The following LUZP2 variants were observed in gnomAD, a reference collection of about 807,000 sequenced individuals.
The protein encoded by LUZP2 is leucine zipper protein 2.
LUZP2 carries 52 observed loss-of-function variants against 51.6 expected under a neutral mutation model. The ratio of observed to expected loss-of-function variants is 1.01; its 90% CI spans 0.81 to 1.27. The LOEUF (loss-of-function observed/expected upper bound fraction) is 1.27. Among genes scored for constraint, LUZP2 ranks in the 50% most tolerant of loss-of-function variants. LUZP2 has a pLI of 0.00. For synonymous variants in LUZP2, 154 were observed against 137.3 expected (o/e 1.12, Z -0.85); for missense variants, 436 against 395.4 (o/e 1.10, Z -0.87).
chr11:24,846,050 G>A (rs566100812), intron 5 of LUZP2, among the ~76,000 whole-genome samples: 2 of 151,688 alleles, frequency 1.3e-5, no homozygotes, highest in South Asian at 4.2e-4. Flanking sequence ...TTCAACGCAG[G>A]CAAGGATCCC....
chr11:25,056,918 G>A (rs891120057), intron 10 of LUZP2, among the ~76,000 whole-genome samples: 2 of 152,038 alleles, frequency 1.3e-5, no homozygotes, highest in Non-Finnish European at 2.9e-5. Flanking sequence ...GGCTAACATG[G>A]TGAAACCCCA....
intron 5 of LUZP2, chr11:24,786,114 C>T: frequency 1.0e-6 from 1 of 985,182 alleles, no homozygotes; most frequent in Non-Finnish European, 1.2e-6. Flanking sequence ...TTAATTTAGG[C>T]CCTCACAAAT....
At chr11:24,694,596 A>G (rs1407177237) in intron 1 of LUZP2, among the ~76,000 whole-genome samples, 1 of 152,140 alleles carries the variant, frequency 6.6e-6, no homozygotes, top group Non-Finnish European at 1.5e-5. Flanking sequence ...ATTAGAAATC[A>G]TTCTGCTATA....
intron 2 of LUZP2, 70 bp downstream of exon 2, chr11:24,729,356 T>G: frequency 2.6e-6 from 2 of 770,494 alleles, no homozygotes; most frequent in Non-Finnish European, 4.1e-6. Flanking sequence ...TGGATTGACA[T>G]GCATTTTTAA....
chr11:25,057,667 C>T (rs1858727379), intron 10 of LUZP2, among the ~76,000 whole-genome samples: 1 of 152,058 alleles, frequency 6.6e-6, no homozygotes, highest in Non-Finnish European at 1.5e-5. Flanking sequence ...TGCAATGTTT[C>T]TGACTCCTAT....
At chr11:24,756,217 A>G (rs1859768765) in intron 4 of LUZP2, among the ~76,000 whole-genome samples, 2 of 152,176 alleles carry the variant, frequency 1.3e-5, no homozygotes, top group South Asian at 4.1e-4. Flanking sequence ...TGTGTACCTC[A>G]CATGTATTGA....
chr11:25,005,103 G>T (rs1856797501), intron 9 of LUZP2, among the ~76,000 whole-genome samples: 1 of 152,126 alleles, frequency 6.6e-6, no homozygotes, highest in African/African-American at 2.4e-5. Context: ...ATGTACCCAG[G>T]TTGGACCAAA....
At chr11:25,046,308 A>G (rs1247200311) in intron 9 of LUZP2, among the ~76,000 whole-genome samples, 1 of 151,958 alleles carries the variant, frequency 6.6e-6, no homozygotes, top group Non-Finnish European at 1.5e-5. Context: ...GAGCTCTTTG[A>G]GATACAGATC....
At chr11:24,849,842 A>C (rs542159136) in intron 5 of LUZP2, among the ~76,000 whole-genome samples, 1 of 152,254 alleles carries the variant, frequency 6.6e-6, no homozygotes, top group East Asian at 1.9e-4. Flanking sequence ...ATGGTATCTC[A>C]TTGTGGTTTT....
chr11:24,526,064 C>T (rs113946467), intron 1 of LUZP2, among the ~76,000 whole-genome samples: 49 of 151,310 alleles, frequency 3.2e-4, no homozygotes, highest in African/African-American at 1.2e-3. Flanking sequence ...TTAAAATTTG[C>T]TTTCTTTGTT....
chr11:24,589,107 A>C (rs1048271698), intron 1 of LUZP2, among the ~76,000 whole-genome samples: 2 of 152,066 alleles, frequency 1.3e-5, no homozygotes, highest in African/African-American at 4.8e-5. Context: ...AGAGCTCACA[A>C]TGTCCTGGCT....
intron 9 of LUZP2, among the ~76,000 whole-genome samples, chr11:24,985,863 G>A (rs1856174239): frequency 6.6e-6 from 1 of 151,794 alleles, no homozygotes; most frequent in East Asian, 1.9e-4. Context: ...TCATCACAAT[G>A]AATAGGGTTA....
At chr11:24,599,003 ACCTTTTTCTAAGTCAGT>A (rs1853536261) in intron 1 of LUZP2, among the ~76,000 whole-genome samples, 1 of 152,148 alleles carries the variant, frequency 6.6e-6, no homozygotes, top group African/African-American at 2.4e-5. Context: ...ACATGTGGGA[ACCTTTTTCTAAGTCAGT>A]AATGTAGGTA....
At chr11:24,929,895 A>G (rs1854394318) in intron 7 of LUZP2, among the ~76,000 whole-genome samples, 1 of 152,114 alleles carries the variant, frequency 6.6e-6, no homozygotes, top group African/African-American at 2.4e-5. Context: ...TTATCGTCTT[A>G]TAAATTTGGG....
chr11:24,906,334 T>C (rs150514554), intron 6 of LUZP2, among the ~76,000 whole-genome samples: 2 of 152,140 alleles, frequency 1.3e-5, no homozygotes, highest in Non-Finnish European at 2.9e-5. Flanking sequence ...AGAACTTCCT[T>C]AATAGCAAAT....
At chr11:24,993,605 G>A (rs746522223) in intron 9 of LUZP2, among the ~76,000 whole-genome samples, 7 of 151,968 alleles carry the variant, frequency 4.6e-5, no homozygotes, top group Non-Finnish European at 8.8e-5. Context: ...ATTATGCGAT[G>A]CCTTTTTTGT....
At chr11:24,991,803 C>T (rs1291755923) in intron 9 of LUZP2, among the ~76,000 whole-genome samples, 2 of 152,012 alleles carry the variant, frequency 1.3e-5, no homozygotes, top group Non-Finnish European at 2.9e-5. Context: ...TTTTGAATCG[C>T]ATTTCCCTGA....
At chr11:24,754,337 T>A (rs1332591737) in intron 4 of LUZP2, among the ~76,000 whole-genome samples, 1 of 110,516 alleles carries the variant, frequency 9.0e-6, no homozygotes, top group Non-Finnish European at 2.2e-5. Flanking sequence ...TTATTTAAAA[T>A]TTTTCACCTT....
intron 9 of LUZP2, among the ~76,000 whole-genome samples, chr11:25,036,698 T>A (rs1857874996): frequency 6.6e-6 from 1 of 152,134 alleles, no homozygotes; most frequent in African/African-American, 2.4e-5. Context: ...ATATGTTTTT[T>A]TTCCTGACCT....
Sources: allele counts gnomAD v4.1 joint callset (sites outside exome capture counted in the v4.1 genomes callset), GRCh38; gene constraint gnomAD v4.1.1; transcripts MANE v1.5; gene names NCBI Gene and HGNC (gene_info 2026-07-23, HGNC 2026-07-21).